The following UBE3A variants were observed in gnomAD, a reference collection of about 807,000 sequenced individuals.
UBE3A encodes the protein ubiquitin-protein ligase E3A.
Under a neutral mutation model 83.4 loss-of-function variants are expected in UBE3A, and 6 were observed. The observed-to-expected ratio is 0.07, with a 90% CI of 0.04 to 0.14. The LOEUF is 0.14. UBE3A is among the 10% of genes least tolerant of loss of function. The pLI, the probability that UBE3A is intolerant of heterozygous loss-of-function variation, is 1.00. For synonymous variants in UBE3A, 337 were observed against 355.4 expected (o/e 0.95, Z 0.58); for missense variants, 456 against 1,036.1 (o/e 0.44, Z 7.69).
At position 25,336,525 on chromosome 15, in the gene UBE3A, C is replaced by A. The variant is rs1028997267; in HGVS notation, c.*2612G>T. The A allele has an allele frequency of 6.6e-6, 1 of 151,940 alleles. No individual in the cohort carries two copies. 9.4% of individuals were successfully genotyped at this position (151,940 alleles called of 1,614,324 possible). A position where few individuals can be genotyped will look rare whatever the true frequency, so the allele number is the denominator to read the frequency against. ...ATGAGTAACATCGGCAAGTTCTGTTCGAAGCCTTTTTCAAGTTTCTTTTTG... is the reference window on the plus strand; with the variant it reads ...ATGAGTAACATCGGCAAGTTCTGTTAGAAGCCTTTTTCAAGTTTCTTTTTG... On this transcript the variant is annotated 3_prime_UTR_variant, in exon 13 of 13. Transcript: ENST00000648336.
At chr15:25,426,405 T>C (rs187837147) in intron 1 of UBE3A, among the ~76,000 whole-genome samples, 42 of 152,340 alleles carry the variant, frequency 2.8e-4, no homozygotes, top group African/African-American at 9.9e-4. Flanking sequence ...CAAACTTCCA[T>C]AGCGCCTAGC....
At chr15:25,367,044 A>G (rs2079229560) in intron 6 of UBE3A, among the ~76,000 whole-genome samples, 1 of 151,858 alleles carries the variant, frequency 6.6e-6, no homozygotes, top group African/African-American at 2.4e-5. Flanking sequence ...CCATAAACTT[A>G]TAACCTCTAT....
chr15:25,434,607 TA>T (rs1894455749), intron 1 of UBE3A, among the ~76,000 whole-genome samples: 1 of 152,204 alleles, frequency 6.6e-6, no homozygotes, highest in Non-Finnish European at 1.5e-5. Context: ...GGCTGCCTTC[TA>T]TTAATAGTGT....
At chr15:25,423,719 T>C (rs1890492540) in intron 1 of UBE3A, among the ~76,000 whole-genome samples, 1 of 152,194 alleles carries the variant, frequency 6.6e-6, no homozygotes, top group Non-Finnish European at 1.5e-5. Context: ...TATGGTAAAA[T>C]TACCTGTAGT....
intron 4 of UBE3A, among the ~76,000 whole-genome samples, chr15:25,386,116 T>C (rs1383047398): frequency 6.6e-6 from 1 of 152,056 alleles, no homozygotes; most frequent in African/African-American, 2.4e-5. Flanking sequence ...ATTATAGCTA[T>C]CTTGTTCTAA....
At position 25,336,632 on chromosome 15, in the gene UBE3A, G is replaced by A. The variant is rs1255910007; in HGVS notation, c.*2505C>T. On this transcript the variant is annotated 3_prime_UTR_variant, in exon 13 of 13. Coordinates refer to ENST00000648336, the MANE Select transcript of UBE3A (RefSeq NM_130839.5). ...TGTCTCAGGAAACCAGGGTTAGGAT[G>A]ACCAGCTCATTTGCTGGAGCTGCCA... is the stretch of plus-strand genomic sequence containing the variant. The A allele has an allele frequency of 6.6e-6, 1 of 152,156 alleles. No homozygotes were observed. The highest frequency in any genetic ancestry group is 1.5e-5 in the Non-Finnish European group (1 of 68,004). 9.4% of individuals were successfully genotyped at this position (152,156 alleles called of 1,614,324 possible). A position where few individuals can be genotyped will look rare whatever the true frequency, so the allele number is the denominator to read the frequency against.
chr15:25,399,754 T>TA (rs2086638083), intron 4 of UBE3A, among the ~76,000 whole-genome samples: 2 of 151,450 alleles, frequency 1.3e-5, no homozygotes, highest in African/African-American at 2.4e-5. Flanking sequence ...TTTTTTTTTT[T>TA]AATTTTAGAG....
intron 4 of UBE3A, among the ~76,000 whole-genome samples, chr15:25,381,466 T>G (rs1262163865): frequency 6.6e-6 from 1 of 151,980 alleles, no homozygotes; most frequent in African/African-American, 2.4e-5. Flanking sequence ...TAAAAACTAA[T>G]GGTGAACAAA....
Position 25,337,635 on chromosome 15 carries a change from TCAAA to T in UBE3A, c.*1498_*1501del, listed in dbSNP as rs563714526. 1 of 152,102 alleles carries T rather than the reference TCAAA, an allele frequency of 6.6e-6. No individual in the cohort carries two copies. The highest frequency in any genetic ancestry group is 2.4e-5 in the African/African-American group (1 of 41,436). 9.4% of individuals were successfully genotyped at this position (152,102 alleles called of 1,614,324 possible). ...GAAAGCTGCATTTTTCCTGCCAATT[TCAAA>T]CAAACAAATCATCAGGTTGATCTAC... On this transcript the variant is annotated 3_prime_UTR_variant, in exon 13 of 13. Coordinates refer to ENST00000648336, the MANE Select transcript of UBE3A (RefSeq NM_130839.5).
intron 4 of UBE3A, chr15:25,391,860 G>A (rs1026197239): frequency 3.9e-5 from 6 of 152,284 alleles, no homozygotes; most frequent in Non-Finnish European, 7.3e-5. Flanking sequence ...GACATGGGAA[G>A]CAGCAGTGAT....
chr15:25,391,439 C>T (rs1417310763), intron 4 of UBE3A, among the ~76,000 whole-genome samples: 1 of 152,168 alleles, frequency 6.6e-6, no homozygotes, highest in East Asian at 1.9e-4. Context: ...TGCACAGTTA[C>T]CACAATTGTA....
intron 5 of UBE3A, among the ~76,000 whole-genome samples, chr15:25,372,297 T>C (rs1334360959): frequency 5.9e-5 from 9 of 152,186 alleles, no homozygotes; most frequent in South Asian, 2.1e-4. Context: ...TCAGCATCTA[T>C]GTATGTATTA....
intron 1 of UBE3A, among the ~76,000 whole-genome samples, chr15:25,419,889 A>G (rs921991256): frequency 6.6e-5 from 10 of 152,070 alleles, no homozygotes; most frequent in Non-Finnish European, 1.3e-4. Context: ...ACTGGGGGGA[A>G]AAAAAACAGA....
chr15:25,422,156 A>T (rs1482318923), intron 1 of UBE3A, among the ~76,000 whole-genome samples: 1 of 152,186 alleles, frequency 6.6e-6, no homozygotes, highest in African/African-American at 2.4e-5. Flanking sequence ...TCTCAAAAAC[A>T]TGCCAAGTGA....
chr15:25,396,563 T>C (rs2085622122), intron 4 of UBE3A, among the ~76,000 whole-genome samples: 1 of 152,134 alleles, frequency 6.6e-6, no homozygotes, highest in African/African-American at 2.4e-5. Flanking sequence ...TTCAAAGTTG[T>C]AGTGAGCTCT....
chr15:25,435,964 A>T (rs1894953714), intron 1 of UBE3A, among the ~76,000 whole-genome samples: 1 of 152,238 alleles, frequency 6.6e-6, no homozygotes, highest in Admixed American at 6.5e-5. Flanking sequence ...CCTACGTGTT[A>T]GGCGTTTTAC....
At position 25,430,431 on chromosome 15, in the gene UBE3A, T is replaced by C. The variant is rs533587751; in HGVS notation, c.-165+8058A>G. ...ACTTTGGGGAATTAGATCTTGACCA[T>C]TTAAGAGAGAGATTAGCCCCAGTTT... On this transcript the variant is annotated intron_variant, in intron 1 of 12. Coordinates refer to ENST00000648336, the MANE Select transcript of UBE3A (RefSeq NM_130839.5). Among the ~76,000 whole-genome samples the C allele has an allele frequency of 1.4e-4, 20 of 148,140 alleles. No homozygotes were observed. The South Asian group carries it at 4.2e-3, about 31-fold the overall frequency.
chr15:25,375,732 G>A lies in UBE3A; in HGVS notation c.94C>T (p.Arg32Cys), dbSNP rs369572863. The A allele has an allele frequency of 6.2e-7, 1 of 1,613,318 alleles. No homozygotes were observed. Among genetic ancestry groups the A allele is most frequent in the Non-Finnish European group, 8.5e-7 (1 of 1,180,016 alleles). ...CCCTCAGTTAACTGGTGGTAGTAGC[G>A]TTCTATTAGATGCTTTGCAGCTGCT... The part of the protein sequence containing the change: ...KRAAAKHLIE[R>C]YYHQLTEGCG... Residue 32 changes from arginine (R) to cysteine (C), a missense_variant, in exon 5 of 13, where the codon CGC (arginine) becomes TGC (cysteine). By Grantham distance (180) the Arg-to-Cys change is radical. Around this residue, in one of 13 missense-constraint regions of UBE3A, gnomAD observed 9 missense variants for 45.4 expected, o/e 0.20. Transcript: ENST00000648336.
At chr15:25,437,337 T>A (rs528913723) in intron 1 of UBE3A, among the ~76,000 whole-genome samples, 92 of 152,318 alleles carry the variant, frequency 6.0e-4, no homozygotes, top group Non-Finnish European at 1.1e-3. Flanking sequence ...ATCAGAAGTG[T>A]GAGACAAACA....
Sources: gnomAD v4.1 joint callset for allele counts (sites outside exome capture counted in the v4.1 genomes callset) on GRCh38, gnomAD v4.1.1 for gene constraint, gnomAD v4.1.1 regional missense constraint, MANE v1.5 for transcripts, NCBI Gene and HGNC (gene_info 2026-07-23, HGNC 2026-07-21) for gene names.